RABL3: variants seen among roughly 807,000 people sequenced by gnomAD.
RABL3 encodes RAB, member of RAS oncogene family like 3.
RABL3 carries 31 observed loss-of-function variants against 31.8 expected under a neutral mutation model. That is an observed-to-expected ratio of 0.97 (90% CI 0.73 to 1.31). The LOEUF is 1.31. RABL3 is among the 40% of genes most tolerant of loss of function. RABL3 has a pLI of 0.00. For missense variants in RABL3, 263 were observed against 279.6 expected (o/e 0.94, Z 0.42); for synonymous variants, 97 against 99.9 (o/e 0.97, Z 0.18).
At chr3:120,742,528 G>A (rs776216569), upstream of RABL3, 1 of 1,613,606 alleles carries the variant, frequency 6.2e-7, no homozygotes, top group African/African-American at 1.3e-5. Flanking sequence ...CCTTCCCTGG[G>A]TTAACGCCTG....
intron 5 of RABL3, among the ~76,000 whole-genome samples, chr3:120,697,091 C>T (rs184110785): frequency 3.9e-5 from 6 of 152,234 alleles, no homozygotes; most frequent in South Asian, 2.1e-4. Context: ...AGCTGTGGGA[C>T]GGTTATTCAA....
intron 5 of RABL3, among the ~76,000 whole-genome samples, chr3:120,696,592 A>AACACACAC (rs3037698): frequency 8.0e-4 from 118 of 147,562 alleles, no homozygotes; most frequent in African/African-American, 2.8e-3. Flanking sequence ...AAGTAGGAAT[A>AACACACAC]ACACACACAC....
intron 2 of RABL3, among the ~76,000 whole-genome samples, chr3:120,712,824 TTTA>T (rs1358503194): frequency 3.9e-5 from 6 of 152,308 alleles, no homozygotes; most frequent in South Asian, 4.1e-4. Flanking sequence ...TTATGTTCAG[TTTA>T]TTATTTACCG....
At chr3:120,732,983 T>C (rs1397432467) in intron 1 of RABL3, among the ~76,000 whole-genome samples, 3 of 152,178 alleles carry the variant, frequency 2.0e-5, no homozygotes, top group Non-Finnish European at 4.4e-5. Flanking sequence ...TTGGGTTGGT[T>C]CCAAGTCTTT....
At chr3:120,700,458 T>C (rs1160482150) in intron 4 of RABL3, among the ~76,000 whole-genome samples, 4 of 151,100 alleles carry the variant, frequency 2.6e-5, no homozygotes, top group Admixed American at 1.3e-4. Context: ...TGCTAGGAGG[T>C]TGGAAAAAAA....
intron 2 of RABL3, among the ~76,000 whole-genome samples, chr3:120,717,689 A>G (rs111826922): frequency 0.018 from 2,777 of 152,178 alleles, 92 homozygotes; most frequent in African/African-American, 0.064. Context: ...GGCTGGTCTC[A>G]AACTCCTGAC....
At chr3:120,693,955 A>G (rs112088675) in intron 6 of RABL3, among the ~76,000 whole-genome samples, 198 bp downstream of exon 6, 11 of 152,324 alleles carry the variant, frequency 7.2e-5, no homozygotes, top group African/African-American at 2.6e-4. Flanking sequence ...CCCTTTACTT[A>G]GAGAACACTG....
Position 120,725,679 on chromosome 3 carries a change from C to G in RABL3, c.138+5017G>C, listed in dbSNP as rs529050084. Among the ~76,000 whole-genome samples, 49 of 152,222 alleles carry G rather than the reference C, an allele frequency of 3.2e-4. No individual in the cohort carries two copies. The South Asian group carries it at 6.0e-3, about 19-fold the overall frequency. On this transcript the variant is annotated intron_variant, in intron 2 of 7. Transcript: ENST00000273375. ...GGATGAAGCTGGAAACCATCATTCTCAGCAAACTATCGCAAGGACAAAAAA... is the reference window on the plus strand; with the variant it reads ...GGATGAAGCTGGAAACCATCATTCTGAGCAAACTATCGCAAGGACAAAAAA...
intron 2 of RABL3, among the ~76,000 whole-genome samples, chr3:120,725,025 G>T (rs2107591887): frequency 6.6e-6 from 1 of 152,046 alleles, no homozygotes; most frequent in East Asian, 1.9e-4. Context: ...CCTACAGAAT[G>T]GGAGAAAATG....
intron 1 of RABL3, among the ~76,000 whole-genome samples, chr3:120,734,520 T>A (rs1472685525): frequency 6.6e-6 from 1 of 152,204 alleles, no homozygotes; most frequent in South Asian, 2.1e-4. Flanking sequence ...CTTTTCCTAA[T>A]TGAATACCCT....
intron 3 of RABL3, among the ~76,000 whole-genome samples, chr3:120,708,787 CTG>C (rs3070642): frequency 0.32 from 48,597 of 151,648 alleles, 8,249 homozygotes; most frequent in Middle Eastern, 0.45. Flanking sequence ...TTTATTAAGA[CTG>C]TGACATTTTC....
intron 2 of RABL3, among the ~76,000 whole-genome samples, chr3:120,720,383 C>G (rs1052609084): frequency 6.6e-6 from 1 of 152,168 alleles, no homozygotes; most frequent in African/African-American, 2.4e-5. Context: ...GATCAAACTA[C>G]TCAGAGCTAA....
At chr3:120,714,102 G>A (rs757963189) in intron 2 of RABL3, among the ~76,000 whole-genome samples, 14 of 152,136 alleles carry the variant, frequency 9.2e-5, no homozygotes, top group Admixed American at 2.6e-4. Flanking sequence ...AAGCCACCGC[G>A]CCTGGCCCAT....
At chr3:120,736,009 A>C (rs1292647762) in intron 1 of RABL3, among the ~76,000 whole-genome samples, 1 of 152,192 alleles carries the variant, frequency 6.6e-6, no homozygotes, top group East Asian at 1.9e-4. Context: ...GCTGAGAAGA[A>C]TGTATATTCT....
Position 120,730,733 on chromosome 3 carries a change from T to C in RABL3, c.101A>G (p.Asn34Ser). 5 of 1,613,954 alleles carry C rather than the reference T, an allele frequency of 3.1e-6. No individual in the cohort carries two copies. The highest frequency in any genetic ancestry group is 4.2e-6 in the Non-Finnish European group (5 of 1,179,890). The change falls in exon 2 of 8, where the codon AAT becomes AGT. Residue 34 changes from asparagine (N) to serine (S), a missense_variant. Transcript: ENST00000273375. Reference protein sequence around the residue: ...HLLCQNQVLGNPSWTVGCSVD... With the variant: ...HLLCQNQVLGSPSWTVGCSVD... ...TGAGCAGCCCACAGTCCATGATGGA[T>C]TTCCCAGCACTTGATTTTGGCATAG...
chr3:120,720,909 G>GA (rs1224929128), intron 2 of RABL3, among the ~76,000 whole-genome samples: 5 of 152,092 alleles, frequency 3.3e-5, no homozygotes, highest in African/African-American at 1.2e-4. Flanking sequence ...TGAAATGAAG[G>GA]AAAAAATGTT....
intron 3 of RABL3, among the ~76,000 whole-genome samples, chr3:120,709,470 CA>C (rs1198551522): frequency 6.6e-6 from 1 of 152,058 alleles, no homozygotes; most frequent in Non-Finnish European, 1.5e-5. Flanking sequence ...TCACTGGAGA[CA>C]GAGCAACCCC....
In RABL3 at chr3:120,686,711, T is replaced by A. The variant is rs183062886; in HGVS notation, c.*3112A>T. Reference sequence around the variant, plus strand: ...GAGAAAAGCACACACATTTATTTACTGTAAGTTTTACATGACAGGAATCTT... The same window carrying A: ...GAGAAAAGCACACACATTTATTTACAGTAAGTTTTACATGACAGGAATCTT... On this transcript the variant is annotated 3_prime_UTR_variant, in exon 8 of 8. Transcript: ENST00000273375. 126 of 152,338 alleles carry A rather than the reference T, an allele frequency of 8.3e-4. No individual in the cohort carries two copies. Among genetic ancestry groups the A allele is most frequent in the Middle Eastern group, 3.4e-3 (1 of 294 alleles). 9.4% of individuals were successfully genotyped at this position (152,338 alleles called of 1,614,324 possible). A position where few individuals can be genotyped will look rare whatever the true frequency, so the allele number is the denominator to read the frequency against.
At chr3:120,707,900 G>A (rs868198245) in intron 3 of RABL3, among the ~76,000 whole-genome samples, 4 of 152,138 alleles carry the variant, frequency 2.6e-5, no homozygotes, top group Admixed American at 6.5e-5. Context: ...ATCAAGGTGG[G>A]GCTGAGATGA....
Sources: allele counts gnomAD v4.1 joint callset (sites outside exome capture counted in the v4.1 genomes callset), GRCh38; gene constraint gnomAD v4.1.1; transcripts MANE v1.5; gene names NCBI Gene and HGNC (gene_info 2026-07-23, HGNC 2026-07-21).